SNX25: variants seen among roughly 807,000 people sequenced by gnomAD.
SNX25 encodes sorting nexin 25, also known as sorting nexin-25.
Under a neutral mutation model 113.7 loss-of-function variants are expected in SNX25, and 62 were observed. The observed-to-expected ratio is 0.55, with a 90% confidence interval of 0.44 to 0.67. The LOEUF is 0.67. Ranked by LOEUF, SNX25 falls within the 30% of genes least tolerant of loss-of-function variation. The probability of loss-of-function intolerance (pLI) is 0.00; values close to 1 mark genes in which losing one functional copy is unlikely to be tolerated. For synonymous variants in SNX25, 421 were observed against 436.2 expected (o/e 0.97, Z 0.43); for missense variants, 1,014 against 1,161.0 (o/e 0.87, Z 1.84).
the SNX25 span, chr4:185,378,264 A>G: frequency 6.3e-7 from 1 of 1,590,016 alleles, no homozygotes; most frequent in Non-Finnish European, 8.5e-7. Flanking sequence ...CGAAGTGCAA[A>G]GAGAGACTCT....
At chr4:185,225,517 A>G (rs1171860118) in intron 1 of SNX25, among the ~76,000 whole-genome samples, 2 of 152,254 alleles carry the variant, frequency 1.3e-5, no homozygotes, top group Middle Eastern at 6.8e-3. Context: ...ATATGTTGGC[A>G]TTGTTAATGG....
intron 8 of SNX25, among the ~76,000 whole-genome samples, chr4:185,322,170 C>T (rs546766754): frequency 2.0e-5 from 3 of 152,192 alleles, no homozygotes; most frequent in African/African-American, 4.8e-5. Flanking sequence ...CGGTGGCTCA[C>T]GCCTGTAATC....
upstream of SNX25, among the ~76,000 whole-genome samples, chr4:185,207,393 T>A (rs531863874): frequency 9.2e-5 from 14 of 152,032 alleles, no homozygotes; most frequent in African/African-American, 3.1e-4. Flanking sequence ...ATTTTTTGTA[T>A]TTTTAGTAGA....
intron 8 of SNX25, among the ~76,000 whole-genome samples, 167 bp from the exon 9 acceptor site, chr4:185,323,361 A>G (rs78792782): frequency 6.7e-6 from 1 of 149,196 alleles, no homozygotes; most frequent in African/African-American, 2.5e-5. Context: ...TTTTTTTTTT[A>G]GGATCTGACA....
At chr4:185,322,492 A>C (rs969078455) in intron 8 of SNX25, among the ~76,000 whole-genome samples, 1 of 152,240 alleles carries the variant, frequency 6.6e-6, no homozygotes, top group East Asian at 1.9e-4. Flanking sequence ...TTTCATATGA[A>C]TGTTGCCAGA....
intron 2 of SNX25, among the ~76,000 whole-genome samples, chr4:185,251,250 C>T (rs993669322): frequency 2.0e-5 from 3 of 152,190 alleles, no homozygotes; most frequent in Non-Finnish European, 1.5e-5. Context: ...TTGCCTCGGC[C>T]TCTCAAAGTG....
At position 185,357,714 on chromosome 4, in the gene SNX25, C is replaced by T. The variant is rs766463544; in HGVS notation, c.2628C>T (p.Val876=). The T allele has an allele frequency of 6.2e-6, 10 of 1,614,000 alleles. No individual in the cohort carries two copies. Among genetic ancestry groups the T allele is most frequent in the East Asian group, 2.2e-5 (1 of 44,874 alleles). ...VRRTLIALVQ[V]TFGRTINKQI... is the part of the protein sequence containing the mutation. ...GAACATTAATTGCCCTCGTTCAGGTCACTTTTGGAAGAACCATCAACAAGT... is the reference window on the plus strand; with the variant it reads ...GAACATTAATTGCCCTCGTTCAGGTTACTTTTGGAAGAACCATCAACAAGT... The change falls in exon 16 of 19, where the codon GTC becomes GTT. Residue 876 remains valine (V), a synonymous_variant. Coordinates refer to ENST00000652585, the MANE Select transcript of SNX25 (RefSeq NM_001378034.2).
intron 11 of SNX25, among the ~76,000 whole-genome samples, chr4:185,369,019 C>A (rs1023039458): frequency 1.3e-5 from 2 of 152,064 alleles, no homozygotes; most frequent in South Asian, 4.2e-4. Context: ...GTCTCACACT[C>A]TTGGCCTCAG....
chr4:185,346,652 T>C lies in SNX25; in HGVS notation c.2301+2T>C. The C allele has an allele frequency of 6.5e-7, 1 of 1,540,160 alleles. No individual in the cohort carries two copies. The highest frequency in any genetic ancestry group is 8.8e-7 in the Non-Finnish European group (1 of 1,140,150). ...AATCAATTAAATAAGTTTTTACAGG[T>C]AAGCAAGTGAAAAATGTGGGATATG... On this transcript the variant is annotated splice_donor_variant, in intron 13 of 18. Coordinates refer to ENST00000652585, the MANE Select transcript of SNX25 (RefSeq NM_001378034.2). LOFTEE classifies it high-confidence loss of function.
chr4:185,343,914 T>G (rs565396228), intron 12 of SNX25, among the ~76,000 whole-genome samples: 1 of 151,948 alleles, frequency 6.6e-6, no homozygotes, highest in Non-Finnish European at 1.5e-5. Flanking sequence ...TGGGCAAAAT[T>G]CTTTCTAAAA....
At chr4:185,314,856 C>CAA (rs35230364) in intron 7 of SNX25, among the ~76,000 whole-genome samples, 15 of 96,384 alleles carry the variant, frequency 1.6e-4, no homozygotes, top group African/African-American at 4.7e-4. Flanking sequence ...GACTCTGTCT[C>CAA]AAAAAAAAAA....
At chr4:185,342,211 C>A in intron 12 of SNX25, 95 bp downstream of exon 12, 4 of 1,338,074 alleles carry the variant, frequency 3.0e-6, no homozygotes, top group East Asian at 2.6e-5. Flanking sequence ...TCTTCCTTTG[C>A]TGTTGATACT....
Position 185,310,696 on chromosome 4 carries a change from C to A in SNX25, c.1224C>A (p.Ile408=). The A allele has an allele frequency of 1.2e-6, 2 of 1,614,048 alleles. No individual in the cohort carries two copies. Among genetic ancestry groups the A allele is most frequent in the Non-Finnish European group, 1.7e-6 (2 of 1,179,976 alleles). ...LLRARNMKRY[I]NQLTVAKKQC... ...GGGCCAGGAACATGAAGAGGTACAT[C>A]AACCAACTGACTGTGGCAAAGAAGC... Residue 408 remains isoleucine, a synonymous_variant, in exon 7 of 19, where the codon ATC becomes ATA. Coordinates refer to ENST00000652585, the MANE Select transcript of SNX25 (RefSeq NM_001378034.2).
At chr4:185,325,100 TA>T (rs976079720) in intron 9 of SNX25, among the ~76,000 whole-genome samples, 7 of 152,226 alleles carry the variant, frequency 4.6e-5, no homozygotes, top group Non-Finnish European at 1.0e-4. Flanking sequence ...CTTAGCTTTT[TA>T]GCCCTTTCTT....
intron 14 of SNX25, among the ~76,000 whole-genome samples, chr4:185,351,824 G>T (rs907678128): frequency 1.3e-5 from 2 of 151,890 alleles, no homozygotes; most frequent in Non-Finnish European, 2.9e-5. Flanking sequence ...AGTGAAATGC[G>T]AGTAGGAAGT....
intron 16 of SNX25, among the ~76,000 whole-genome samples, chr4:185,359,367 C>T (rs1031274257): frequency 1.3e-5 from 2 of 151,938 alleles, no homozygotes; most frequent in Non-Finnish European, 2.9e-5. Flanking sequence ...TTTAGTTGCC[C>T]GTCAGAGGCT....
chr4:185,311,235 C>G (rs2095027493), intron 7 of SNX25, among the ~76,000 whole-genome samples: 1 of 152,178 alleles, frequency 6.6e-6, no homozygotes, highest in Non-Finnish European at 1.5e-5. Flanking sequence ...TACTTGATAT[C>G]TTCATTGATG....
chr4:185,298,209 C>T (rs535674429), intron 6 of SNX25, among the ~76,000 whole-genome samples: 48 of 152,062 alleles, frequency 3.2e-4, no homozygotes, highest in African/African-American at 1.1e-3. Flanking sequence ...CTGCCTCAGC[C>T]TCCTGACTAG....
intron 4 of SNX25, among the ~76,000 whole-genome samples, chr4:185,266,144 C>T (rs1748041708): frequency 1.3e-5 from 2 of 152,068 alleles, no homozygotes; most frequent in South Asian, 4.2e-4. Context: ...GCTATTATAA[C>T]CAACCACAGA....
Sources: gnomAD v4.1 joint callset for allele counts (sites outside exome capture counted in the v4.1 genomes callset) on GRCh38, gnomAD v4.1.1 for gene constraint, MANE v1.5 for transcripts, NCBI Gene and HGNC (gene_info 2026-07-23, HGNC 2026-07-21) for gene names.